Variants in PTPRT observed in about 807,000 individuals in gnomAD.
The protein encoded by PTPRT is protein tyrosine phosphatase receptor type T.
A neutral mutation model predicts 176.8 loss-of-function variants in PTPRT; 56 were observed. That is an observed-to-expected ratio of 0.32 (90% CI 0.26 to 0.40). PTPRT has a LOEUF of 0.40. Among genes scored for constraint, PTPRT ranks in the 10% least tolerant of loss-of-function variants. The probability of loss-of-function intolerance (pLI) is 1.00; values close to 1 mark genes in which losing one functional copy is unlikely to be tolerated. For synonymous variants in PTPRT, 783 were observed against 739.0 expected, an observed-to-expected ratio of 1.06 and a Z score of -0.96; for missense variants, 1,540 against 1,908.2, an observed-to-expected ratio of 0.81 and a Z score of 3.60.
chr20:42,521,415 G>C (rs2072174189), intron 7 of PTPRT, among the ~76,000 whole-genome samples: 1 of 152,146 alleles, frequency 6.6e-6, no homozygotes, highest in Non-Finnish European at 1.5e-5. Flanking sequence ...CAGAATGACA[G>C]AAGTAATTTC....
At chr20:42,962,141 A>G (rs748143561) in intron 1 of PTPRT, among the ~76,000 whole-genome samples, 1 of 152,228 alleles carries the variant, frequency 6.6e-6, no homozygotes, top group Non-Finnish European at 1.5e-5. Context: ...GTAGGAAACT[A>G]ATACAGGTAA....
intron 3 of PTPRT, among the ~76,000 whole-genome samples, chr20:42,780,622 C>T (rs1447291975): frequency 2.6e-5 from 4 of 152,120 alleles, no homozygotes; most frequent in Non-Finnish European, 5.9e-5. Flanking sequence ...AAGGGTCAAG[C>T]CACAACTTGA....
At chr20:42,877,383 T>C (rs183038384) in intron 2 of PTPRT, among the ~76,000 whole-genome samples, 31 of 152,254 alleles carry the variant, frequency 2.0e-4, no homozygotes, top group African/African-American at 7.5e-4. Context: ...GCAGCTGGCA[T>C]CTTCACCTCT....
At chr20:42,359,102 C>T (rs2058396960) in intron 9 of PTPRT, among the ~76,000 whole-genome samples, 1 of 152,158 alleles carries the variant, frequency 6.6e-6, no homozygotes, top group Admixed American at 6.5e-5. Flanking sequence ...TGAGTCTATC[C>T]CAGACCTCCT....
At chr20:42,951,301 G>A (rs993163251) in intron 1 of PTPRT, among the ~76,000 whole-genome samples, 2 of 151,712 alleles carry the variant, frequency 1.3e-5, no homozygotes, top group African/African-American at 4.8e-5. Flanking sequence ...AATGGATGAT[G>A]GATGAGTAGA....
At chr20:42,294,111 T>C (rs1233899420) in intron 12 of PTPRT, among the ~76,000 whole-genome samples, 3 of 152,178 alleles carry the variant, frequency 2.0e-5, no homozygotes, top group Non-Finnish European at 4.4e-5. Context: ...CAATCACCCT[T>C]GTCATCCTAT....
chr20:42,877,643 TA>T (rs771304453), intron 2 of PTPRT, among the ~76,000 whole-genome samples: 7 of 152,164 alleles, frequency 4.6e-5, no homozygotes, highest in Non-Finnish European at 5.9e-5. Flanking sequence ...CGCTACCTAC[TA>T]AGCCCCAGCA....
intron 23 of PTPRT, 75 bp from the exon 24 acceptor site, chr20:42,106,996 C>T: frequency 6.5e-7 from 1 of 1,546,328 alleles, no homozygotes. Flanking sequence ...TAGCATTCAG[C>T]CCTATCCCCA....
chr20:42,366,155 T>C (rs947213732), intron 9 of PTPRT, among the ~76,000 whole-genome samples: 5 of 152,166 alleles, frequency 3.3e-5, no homozygotes, highest in African/African-American at 2.4e-5. Flanking sequence ...CAATGCCTTC[T>C]CTCTCTTAGT....
intron 7 of PTPRT, among the ~76,000 whole-genome samples, chr20:42,519,013 A>C (rs1447271210): frequency 3.3e-5 from 5 of 152,090 alleles, no homozygotes; most frequent in Non-Finnish European, 5.9e-5. Context: ...AACATCTTCC[A>C]AAACTATGGT....
intron 7 of PTPRT, among the ~76,000 whole-genome samples, chr20:42,629,102 G>A (rs2074353400): frequency 6.6e-6 from 1 of 152,058 alleles, no homozygotes; most frequent in Non-Finnish European, 1.5e-5. Flanking sequence ...TTTATGGTAA[G>A]AGGAACAGAT....
At chr20:42,774,743 A>G (rs1300299851) in intron 4 of PTPRT, among the ~76,000 whole-genome samples, 1 of 152,170 alleles carries the variant, frequency 6.6e-6, no homozygotes, top group Non-Finnish European at 1.5e-5. Flanking sequence ...AACCCCGAGT[A>G]CAGTTCCCAG....
intron 2 of PTPRT, among the ~76,000 whole-genome samples, chr20:42,879,046 C>A (rs888812717): frequency 3.3e-5 from 5 of 151,938 alleles, no homozygotes; most frequent in Admixed American, 6.6e-5. Context: ...CAAAACAAAA[C>A]AAAAAAACAG....
At chr20:42,929,851 G>T (rs550119081) in intron 1 of PTPRT, among the ~76,000 whole-genome samples, 3 of 152,228 alleles carry the variant, frequency 2.0e-5, no homozygotes, top group African/African-American at 7.2e-5. Flanking sequence ...AGGATTAGCA[G>T]TTGCCATGAC....
At chr20:42,304,754 G>A (rs954768118) in intron 12 of PTPRT, among the ~76,000 whole-genome samples, 11 of 152,198 alleles carry the variant, frequency 7.2e-5, no homozygotes, top group African/African-American at 2.4e-4. Flanking sequence ...TCATAGGATT[G>A]ATATAAGAGG....
intron 16 of PTPRT, among the ~76,000 whole-genome samples, chr20:42,187,720 C>A (rs1031087471): frequency 6.6e-6 from 1 of 152,224 alleles, no homozygotes; most frequent in African/African-American, 2.4e-5. Context: ...TCCATCAGCT[C>A]CTTCACACAT....
chr20:42,126,321 G>T (rs1025801650), intron 19 of PTPRT, among the ~76,000 whole-genome samples: 1 of 152,172 alleles, frequency 6.6e-6, no homozygotes, highest in African/African-American at 2.4e-5. Context: ...GCAGGGTATG[G>T]TGGGAGAGGT....
chr20:42,485,808 A>C (rs1189445582), intron 7 of PTPRT, among the ~76,000 whole-genome samples: 3 of 152,148 alleles, frequency 2.0e-5, no homozygotes, highest in Non-Finnish European at 4.4e-5. Context: ...CTTTTTTATG[A>C]TGTCCAAAGC....
chr20:42,132,539 G>A (rs1988168840), intron 18 of PTPRT, among the ~76,000 whole-genome samples: 2 of 152,282 alleles, frequency 1.3e-5, no homozygotes, highest in South Asian at 2.1e-4. Context: ...AATCAAGGAA[G>A]ATATACAGAT....
Sources: gnomAD v4.1 joint callset for allele counts (sites outside exome capture counted in the v4.1 genomes callset) on GRCh38, gnomAD v4.1.1 for gene constraint, MANE v1.5 for transcripts, NCBI Gene and HGNC (gene_info 2026-07-23, HGNC 2026-07-21) for gene names.